Variants in KIRREL3 observed in about 807,000 individuals in gnomAD.
The protein encoded by KIRREL3 is kirre like nephrin family adhesion molecule 3.
In KIRREL3, 36 loss-of-function variants were observed where a neutral mutation model predicts 89.7. The observed-to-expected ratio is 0.40, with a 90% CI of 0.31 to 0.53. The LOEUF is 0.53. Among genes scored for constraint, KIRREL3 ranks in the 20% least tolerant of loss-of-function variants. The pLI is 0.49. For synonymous variants in KIRREL3, 445 were observed against 441.4 expected, an observed-to-expected ratio of 1.01 and a Z score of -0.10; for missense variants, 864 against 1,056.6, an observed-to-expected ratio of 0.82 and a Z score of 2.53.
Position 126,587,918 on chromosome 11 carries a change from T to C in KIRREL3, c.56-25006A>G, listed in dbSNP as rs187524905. 6.6e-6 allele frequency among the ~76,000 whole-genome samples: 1 copy of C among 152,210 alleles called. No homozygotes were observed. Among genetic ancestry groups the C allele is most frequent in the African/African-American group, 2.4e-5 (1 of 41,534 alleles). On this transcript the variant is annotated intron_variant, in intron 1 of 16. Coordinates refer to ENST00000525144, the MANE Select transcript of KIRREL3 (RefSeq NM_032531.4). This position sits in a 1 kb window ranked among gnomAD's most constrained non-coding sequence, Gnocchi z 5.2. ...GACTCTAAGGAGAGCTGGGCCCTGG[T>C]ACAGGGAGGGGCAGAGGTCTGTCTT...
Position 126,788,957 on chromosome 11 carries a change from C to A in KIRREL3, c.55+211498G>T, listed in dbSNP as rs1023433653. ...GTGTGAGGCTGGGCACCTAGTCAAA[C>A]AAATCCCTGTCAAGATTTCTTTGAC... On this transcript the variant is annotated intron_variant, in intron 1 of 16. Coordinates refer to ENST00000525144, the MANE Select transcript of KIRREL3 (RefSeq NM_032531.4). The surrounding 1 kb of genome is among the most constrained non-coding windows in gnomAD (Gnocchi z 4.1). 6.6e-6 allele frequency among the ~76,000 whole-genome samples: 1 copy of A among 152,168 alleles called. No individual in the cohort carries two copies. Among genetic ancestry groups the A allele is most frequent in the Non-Finnish European group, 1.5e-5 (1 of 68,024 alleles).
Position 126,812,878 on chromosome 11 carries a change from G to T in KIRREL3, c.55+187577C>A, listed in dbSNP as rs1277801619. Among the ~76,000 whole-genome samples the T allele has an allele frequency of 6.6e-6, 1 of 152,210 alleles. No individual in the cohort carries two copies. The highest frequency in any genetic ancestry group is 2.4e-5 in the African/African-American group (1 of 41,438). ...TCCATCTAAAGGAAGTGGCCTACGG[G>T]AATCTGCGCACCTCTGCTGTGACCG... On this transcript the variant is annotated intron_variant, in intron 1 of 16. Coordinates refer to ENST00000525144, the MANE Select transcript of KIRREL3 (RefSeq NM_032531.4). This position sits in a 1 kb window ranked among gnomAD's most constrained non-coding sequence, Gnocchi z 5.2.
chr11:127,000,802 C>T, upstream of KIRREL3: 1 of 492,548 alleles, frequency 2.0e-6, no homozygotes, highest in Non-Finnish European at 3.6e-6. This position sits in a 1 kb window ranked among gnomAD's most constrained non-coding sequence, Gnocchi z 7.1. Context: ...ACGGCTTCCT[C>T]AGGCGGGCTC....
intron 1 of KIRREL3, among the ~76,000 whole-genome samples, chr11:126,956,623 A>G (rs914669878): frequency 6.6e-6 from 1 of 152,094 alleles, no homozygotes; most frequent in African/African-American, 2.4e-5. Context: ...GTCGGGGTGG[A>G]TTATCAATCG....
intron 1 of KIRREL3, among the ~76,000 whole-genome samples, chr11:126,972,506 G>C (rs551831720): frequency 7.1e-4 from 108 of 152,320 alleles, no homozygotes; most frequent in Non-Finnish European, 1.6e-4. Context: ...GCTGAGAAAA[G>C]GGTAGGCCAA....
rs1173768633 is a variant in KIRREL3 at position 126,611,279 on chromosome 11, C to T, written c.56-48367G>A. Among the ~76,000 whole-genome samples, 2 of 152,214 alleles carry T rather than the reference C, an allele frequency of 1.3e-5. No individual in the cohort carries two copies. The highest frequency in any genetic ancestry group is 4.8e-5 in the African/African-American group (2 of 41,460). ...GCTATTACTGTTGTTCCTACCACCGCACCCTCTCCCATTCCTTTCCTTCTC... is the reference window on the plus strand; with the variant it reads ...GCTATTACTGTTGTTCCTACCACCGTACCCTCTCCCATTCCTTTCCTTCTC... On this transcript the variant is annotated intron_variant, in intron 1 of 16. Coordinates refer to ENST00000525144, the MANE Select transcript of KIRREL3 (RefSeq NM_032531.4). The surrounding 1 kb of genome is among the most constrained non-coding windows in gnomAD (Gnocchi z 4.7).
chr11:126,964,130 G>T (rs1422157209), intron 1 of KIRREL3, among the ~76,000 whole-genome samples: 1 of 152,164 alleles, frequency 6.6e-6, no homozygotes, highest in Admixed American at 6.5e-5. Flanking sequence ...TGTGCACAGG[G>T]CCTGGCTCAG....
intron 1 of KIRREL3, among the ~76,000 whole-genome samples, chr11:126,725,733 G>A (rs562292865): frequency 3.5e-4 from 54 of 152,294 alleles, no homozygotes; most frequent in African/African-American, 1.3e-3. Flanking sequence ...GTGCGGGGCT[G>A]GTGGAGCTCT....
chr11:126,767,693 C>A (rs1341595210), intron 1 of KIRREL3, among the ~76,000 whole-genome samples: 1 of 152,180 alleles, frequency 6.6e-6, no homozygotes, highest in African/African-American at 2.4e-5. Context: ...GACATTAAAT[C>A]AGTCAGCGGA....
At position 126,454,690 on chromosome 11, in the gene KIRREL3, CT is replaced by C. The variant is rs1355066666; in HGVS notation, c.848+1658del. Among the ~76,000 whole-genome samples the C allele has an allele frequency of 6.6e-6, 1 of 152,076 alleles. No individual in the cohort carries two copies. Among genetic ancestry groups the C allele is most frequent in the Admixed American group, 6.5e-5 (1 of 15,270 alleles). On this transcript the variant is annotated intron_variant, in intron 7 of 16. Transcript: ENST00000525144. The surrounding 1 kb of genome is among the most constrained non-coding windows in gnomAD (Gnocchi z 5.8). ...GTCTCATTGGGCGCCTCTCTTGTAT[CT>C]TCAGTGGCTTCTGAATAGATGCCAG... is the stretch of plus-strand genomic sequence containing the variant.
intron 1 of KIRREL3, among the ~76,000 whole-genome samples, chr11:126,863,536 CGTGT>C (rs1391155567): frequency 5.4e-5 from 6 of 110,398 alleles, no homozygotes; most frequent in Admixed American, 9.5e-5. Flanking sequence ...TGTGTGAGTG[CGTGT>C]GAGTGTGTGA....
intron 1 of KIRREL3, among the ~76,000 whole-genome samples, chr11:126,868,528 C>G (rs1944999248): frequency 1.3e-5 from 2 of 152,158 alleles, no homozygotes; most frequent in African/African-American, 2.4e-5. Flanking sequence ...ATTCATTTAG[C>G]CTTTTCTCCC....
At chr11:126,967,584 C>G (rs1565464097) in intron 1 of KIRREL3, among the ~76,000 whole-genome samples, 1 of 152,010 alleles carries the variant, frequency 6.6e-6, no homozygotes, top group Non-Finnish European at 1.5e-5. Flanking sequence ...CTTGTTACAT[C>G]CATCTCAGAG....
Position 126,562,952 on chromosome 11 carries a change from C to G in KIRREL3, c.56-40G>C. On this transcript the variant is annotated intron_variant, in intron 1 of 16. Transcript: ENST00000525144. The surrounding 1 kb of genome is among the most constrained non-coding windows in gnomAD (Gnocchi z 4.7). ...TAGGTGGGTGAGTTGGGAATGGGAACAGGTCAGGCATTGTTGGGGGGCCCT... is the reference window on the plus strand; with the variant it reads ...TAGGTGGGTGAGTTGGGAATGGGAAGAGGTCAGGCATTGTTGGGGGGCCCT... 6.5e-7 allele frequency: 1 copy of G among 1,535,270 alleles called. No homozygotes were observed. The highest frequency in any genetic ancestry group is 9.0e-7 in the Non-Finnish European group (1 of 1,110,248).
chr11:126,908,097 T>C lies in KIRREL3; in HGVS notation c.55+92358A>G, dbSNP rs541396003. On this transcript the variant is annotated intron_variant, in intron 1 of 16. Coordinates refer to ENST00000525144, the MANE Select transcript of KIRREL3 (RefSeq NM_032531.4). The surrounding 1 kb of genome is among the most constrained non-coding windows in gnomAD (Gnocchi z 4.2). ...CAGTACCTAACATATAAATCTGTTA[T>C]GTATGTTGTTTATGATCCTGCCCCC... 6.6e-6 allele frequency among the ~76,000 whole-genome samples: 1 copy of C among 152,328 alleles called. No homozygotes were observed. Among genetic ancestry groups the C allele is most frequent in the East Asian group, 1.9e-4 (1 of 5,186 alleles).
rs1009193911 is a variant in KIRREL3 at position 126,860,340 on chromosome 11, G to T, written c.55+140115C>A. Among the ~76,000 whole-genome samples, 8 of 152,156 alleles carry T rather than the reference G, an allele frequency of 5.3e-5. No individual in the cohort carries two copies. The highest frequency in any genetic ancestry group is 1.9e-4 in the African/African-American group (8 of 41,422). ...AATAAAGGCGTGGGCAATGGGTCTGGGAGCACAGAGAAGGTTGCCTTTATT... is the reference window on the plus strand; with the variant it reads ...AATAAAGGCGTGGGCAATGGGTCTGTGAGCACAGAGAAGGTTGCCTTTATT... On this transcript the variant is annotated intron_variant, in intron 1 of 16. Transcript: ENST00000525144. This position sits in a 1 kb window ranked among gnomAD's most constrained non-coding sequence, Gnocchi z 4.6.
At chr11:126,613,117 C>T (rs937090974) in intron 1 of KIRREL3, among the ~76,000 whole-genome samples, 1 of 152,082 alleles carries the variant, frequency 6.6e-6, no homozygotes, top group Non-Finnish European at 1.5e-5. Flanking sequence ...TTAGTGTCCA[C>T]CCCCTTACAT....
rs550543256 is a variant in KIRREL3, at chr11:126,955,447, C to T, written c.55+45008G>A. 6.6e-5 allele frequency among the ~76,000 whole-genome samples: 10 copies of T among 152,260 alleles called. No homozygotes were observed. The highest frequency in any genetic ancestry group is 2.1e-4 in the South Asian group (1 of 4,828). ...AGTGCTTTGGAAGAAATGCCCTGGCCGCCCATGGGCCGGGATCTTCCTAGC... is the reference window on the plus strand; with the variant it reads ...AGTGCTTTGGAAGAAATGCCCTGGCTGCCCATGGGCCGGGATCTTCCTAGC... On this transcript the variant is annotated intron_variant, in intron 1 of 16. Coordinates refer to ENST00000525144, the MANE Select transcript of KIRREL3 (RefSeq NM_032531.4). The surrounding 1 kb of genome is among the most constrained non-coding windows in gnomAD (Gnocchi z 4.6).
At position 126,943,993 on chromosome 11, in the gene KIRREL3, G is replaced by A. The variant is rs1027773499; in HGVS notation, c.55+56462C>T. Among the ~76,000 whole-genome samples, 21 of 152,024 alleles carry A rather than the reference G, an allele frequency of 1.4e-4. No homozygotes were observed. The highest frequency in any genetic ancestry group is 2.4e-4 in the Non-Finnish European group (16 of 67,976). ...GGAAGTTTGCTCTCACCTTCCCCTCGCCTTTCTCCCCTGAAGCAGGTGGTA... is the reference window on the plus strand; with the variant it reads ...GGAAGTTTGCTCTCACCTTCCCCTCACCTTTCTCCCCTGAAGCAGGTGGTA... On this transcript the variant is annotated intron_variant, in intron 1 of 16. Coordinates refer to ENST00000525144, the MANE Select transcript of KIRREL3 (RefSeq NM_032531.4). This position sits in a 1 kb window ranked among gnomAD's most constrained non-coding sequence, Gnocchi z 4.2.
Sources: allele counts gnomAD v4.1 joint callset (sites outside exome capture counted in the v4.1 genomes callset), GRCh38; gene constraint gnomAD v4.1.1; non-coding constraint Gnocchi (gnomAD v3.1); transcripts MANE v1.5; gene names NCBI Gene and HGNC (gene_info 2026-07-23, HGNC 2026-07-21).